Variants in SETDB2 observed in about 807,000 individuals in gnomAD.
SETDB2 encodes the protein SET domain bifurcated histone lysine methyltransferase 2.
SETDB2 carries 56 observed loss-of-function variants against 82.5 expected under a neutral mutation model. That is an observed-to-expected ratio of 0.68 (90% CI 0.55 to 0.85). The LOEUF (loss-of-function observed/expected upper bound fraction) is 0.85, where lower values mean the gene tolerates loss of function less well. SETDB2 is among the 40% of genes least tolerant of loss of function. SETDB2 has a pLI of 0.00. For synonymous variants in SETDB2, 272 were observed against 284.9 expected (o/e 0.95, Z 0.46); for missense variants, 677 against 816.4 (o/e 0.83, Z 2.08).
intron 12 of SETDB2, 57 bp downstream of exon 12, chr13:49,488,687 T>A: frequency 7.3e-7 from 1 of 1,372,072 alleles, no homozygotes; most frequent in Non-Finnish European, 9.9e-7. Context: ...CTATGCTACT[T>A]AACAAAATTA....
chr13:49,484,870 A>G (rs779618172), intron 10 of SETDB2, among the ~76,000 whole-genome samples: 1 of 152,194 alleles, frequency 6.6e-6, no homozygotes, highest in Non-Finnish European at 1.5e-5. Context: ...TTATGAAAAG[A>G]TTGGCCATGG....
chr13:49,488,522 G>A lies in SETDB2; in HGVS notation c.1809G>A (p.Leu603=), dbSNP rs1683771620. The part of the protein sequence containing the change: ...QRQQVFCDEE[L]LSETKNTSSD... Reference sequence around the variant, plus strand: ...AGCAGGTATTTTGTGATGAAGAGTTGCTAAGTGAAACCAAGAATACTTCAT... The same window carrying A: ...AGCAGGTATTTTGTGATGAAGAGTTACTAAGTGAAACCAAGAATACTTCAT... Residue 603 remains leucine, a synonymous_variant, in exon 12 of 14, where the codon TTG becomes TTA. Transcript: ENST00000611815. The A allele has an allele frequency of 6.2e-7, 1 of 1,614,042 alleles. No individual in the cohort carries two copies. The highest frequency in any genetic ancestry group is 1.1e-5 in the South Asian group (1 of 91,042).
chr13:49,490,143 C>T (rs1449782603), intron 12 of SETDB2, among the ~76,000 whole-genome samples: 1 of 151,112 alleles, frequency 6.6e-6, no homozygotes, highest in Non-Finnish European at 1.5e-5. Context: ...AGCCGTGTGT[C>T]ATGGCACATG....
At chr13:49,467,651 A>G (rs920688403) in intron 4 of SETDB2, among the ~76,000 whole-genome samples, 15 of 152,210 alleles carry the variant, frequency 9.9e-5, no homozygotes, top group African/African-American at 3.1e-4. Flanking sequence ...TACAGTAGAA[A>G]TCTTTTCTGT....
intron 4 of SETDB2, among the ~76,000 whole-genome samples, chr13:49,462,346 C>T (rs569598941): frequency 2.0e-4 from 30 of 152,298 alleles, no homozygotes; most frequent in African/African-American, 6.5e-4. Flanking sequence ...CAACAGTCAT[C>T]TCATTAGCAT....
At position 49,456,217 on chromosome 13, in the gene SETDB2, T is replaced by C. The variant is rs553630947; in HGVS notation, c.17-3890T>C. Reference sequence around the variant, plus strand: ...GACCAATACCCTATAAGCCCCTTACTACATATGTTTCTGTGTACTGAGGTC... The same window carrying C: ...GACCAATACCCTATAAGCCCCTTACCACATATGTTTCTGTGTACTGAGGTC... On this transcript the variant is annotated intron_variant, in intron 2 of 13. Transcript: ENST00000611815. Among the ~76,000 whole-genome samples, 3 of 152,282 alleles carry C rather than the reference T, an allele frequency of 2.0e-5. No individual in the cohort carries two copies. The South Asian group carries it at 6.2e-4, about 32-fold the overall frequency.
At position 49,476,664 on chromosome 13, in the gene SETDB2, A is replaced by T; in HGVS notation, c.494A>T (p.His165Leu). ...ATCAAATGTCACTTCCAAAGACGAC[A>T]TGCAAAGACAAACTCTCATTCTTCA... ...LPIKCHFQRR[H>L]AKTNSHSSAL... Residue 165 changes from histidine (H) to leucine (L), a missense_variant, in exon 6 of 14, where the codon CAT (histidine) becomes CTT (leucine). By Grantham distance (99) the His-to-Leu change is moderately conservative (BLOSUM62 -3). Transcript: ENST00000611815. The T allele has an allele frequency of 6.2e-7, 1 of 1,614,244 alleles. No homozygotes were observed. The highest frequency in any genetic ancestry group is 8.5e-7 in the Non-Finnish European group (1 of 1,180,050).
At chr13:49,466,730 C>T (rs1359599390) in intron 4 of SETDB2, among the ~76,000 whole-genome samples, 2 of 151,690 alleles carry the variant, frequency 1.3e-5, no homozygotes, top group South Asian at 2.1e-4. Context: ...CTACAGCCTA[C>T]GGTTCCTGGG....
chr13:49,449,954 A>G (rs1053532582), intron 1 of SETDB2, among the ~76,000 whole-genome samples: 3 of 152,000 alleles, frequency 2.0e-5, no homozygotes, highest in South Asian at 2.1e-4. Context: ...TCTTTTTTTC[A>G]TCTTTAGTAT....
rs1176621884 is a variant in SETDB2 at position 49,460,132 on chromosome 13, G to A, written c.42G>A (p.Glu14=). The change falls in exon 3 of 14, where the codon GAG becomes GAA. Residue 14 remains glutamate (E), a synonymous_variant. Transcript: ENST00000611815. ...KNGDAKTFWM[E]LEDDGKVDFI... ...GCGATGCAAAAACTTTCTGGATGGA[G>A]CTAGAAGATGATGGAAAAGTGGACT... 1 of 1,613,140 alleles carries A rather than the reference G, an allele frequency of 6.2e-7. No individual in the cohort carries two copies. Among genetic ancestry groups the A allele is most frequent in the East Asian group, 2.2e-5 (1 of 44,758 alleles).
In SETDB2 at chr13:49,482,916, G is replaced by C. The variant is rs762876933; in HGVS notation, c.1336G>C (p.Glu446Gln). 16 of 1,613,202 alleles carry C rather than the reference G, an allele frequency of 9.9e-6. No homozygotes were observed. Among genetic ancestry groups the C allele is most frequent in the Non-Finnish European group, 1.4e-5 (16 of 1,179,628 alleles). The change falls in exon 9 of 14, where the codon GAG becomes CAG. Residue 446 changes from glutamate (E) to glutamine (Q), a missense_variant. This residue lies in a region of SETDB2 where 420 missense variants were observed against 554.6 expected (regional missense o/e 0.76). Coordinates refer to ENST00000611815, the MANE Select transcript of SETDB2 (RefSeq NM_001160308.3). ...LETHPRTAKT[E>Q]KCPPKFSNNP... The stretch of plus-strand genomic sequence containing the variant: ...AACACATCCTAGAACTGCTAAAACT[G>C]AGAAATGTCCACCAAAGTTCAGTAA...
intron 1 of SETDB2, among the ~76,000 whole-genome samples, chr13:49,450,474 CT>C (rs1474573624): frequency 6.6e-6 from 1 of 152,120 alleles, no homozygotes; most frequent in Non-Finnish European, 1.5e-5. Context: ...AGATTTCCTT[CT>C]TTAGCTCAGT....
Position 49,482,200 on chromosome 13 carries a change from A to C in SETDB2, c.1157-537A>C, listed in dbSNP as rs969475081. 1.6e-5 allele frequency: 16 copies of C among 985,346 alleles called. No individual in the cohort carries two copies. In the African/African-American group the frequency reaches 2.6e-4, roughly 16 times the overall value. 61.0% of individuals were successfully genotyped at this position (985,346 alleles called of 1,614,324 possible). A position where few individuals can be genotyped will look rare whatever the true frequency, so the allele number is the denominator to read the frequency against. On this transcript the variant is annotated intron_variant, in intron 8 of 13. Coordinates refer to ENST00000611815, the MANE Select transcript of SETDB2 (RefSeq NM_001160308.3). ...TATGTCTCCGATCTAACAATGGGTA[A>C]GAATATCCTGCTATTAATTTGGACT...
intron 4 of SETDB2, chr13:49,464,072 A>G: frequency 1.3e-6 from 1 of 774,928 alleles, no homozygotes; most frequent in South Asian, 1.4e-5. Context: ...ATTTGAGAGC[A>G]CATTATACCA....
intron 8 of SETDB2, among the ~76,000 whole-genome samples, 165 bp from the exon 9 acceptor site, chr13:49,482,571 AT>A (rs1444715361): frequency 6.6e-6 from 1 of 152,178 alleles, no homozygotes; most frequent in Non-Finnish European, 1.5e-5. Context: ...GATAAGAAAT[AT>A]CACATTGGTC....
chr13:49,482,058 C>T (rs1238880427), intron 8 of SETDB2: 7 of 985,240 alleles, frequency 7.1e-6, no homozygotes, highest in Middle Eastern at 1.0e-3. Context: ...CCTGCCTAGA[C>T]GTTCATCTCT....
At chr13:49,477,171 C>G (rs921817044) in intron 6 of SETDB2, 132 bp downstream of exon 6, 9 of 822,960 alleles carry the variant, frequency 1.1e-5, no homozygotes, top group Non-Finnish European at 1.6e-5. Context: ...CGTGGTGGCC[C>G]ACGTGTGTAA....
In SETDB2 at chr13:49,482,745, C is replaced by G. The variant is rs770067239; in HGVS notation, c.1165C>G (p.Leu389Val). The G allele has an allele frequency of 1.2e-6, 2 of 1,604,480 alleles. No homozygotes were observed. The highest frequency in any genetic ancestry group is 1.3e-5 in the African/African-American group (1 of 74,432). ...TAACATTTTCCTTTTAGGAAGATTA[C>G]TAAGCAGAGCTAACACTGAAAAATC... ...TFVCIYSGRL[L>V]SRANTEKSYG... is the part of the protein sequence containing the mutation. Residue 389 changes from leucine to valine, a missense_variant, in exon 9 of 14, where the codon CTA (leucine) becomes GTA (valine). By Grantham distance (32) the Leu-to-Val change is conservative (BLOSUM62 1). Around this residue, in one of 3 missense-constraint regions of SETDB2, gnomAD observed 420 missense variants for 554.6 expected, o/e 0.76. Transcript: ENST00000611815.
In SETDB2 at chr13:49,476,483, G is replaced by A. The variant is rs200801016; in HGVS notation, c.313G>A (p.Glu105Lys). ...AATAATTTATTTTAACAGAACAACA[G>A]AAAATAAGGAAATTCTCTCTCTTGA... ...FPEDCTFLTT[E>K]NKEILSLEDK... Residue 105 changes from glutamate to lysine, a missense_variant, in exon 6 of 14, where the codon GAA becomes AAA. This residue lies in a region of SETDB2 where 243 missense variants were observed against 237.2 expected (regional missense o/e 1.02). Transcript: ENST00000611815. The A allele has an allele frequency of 1.3e-6, 2 of 1,560,840 alleles. No individual in the cohort carries two copies. The highest frequency in any genetic ancestry group is 4.5e-5 in the East Asian group (2 of 44,406).
Sources: gnomAD v4.1 joint callset for allele counts (sites outside exome capture counted in the v4.1 genomes callset) on GRCh38, gnomAD v4.1.1 for gene constraint, gnomAD v4.1.1 regional missense constraint, MANE v1.5 for transcripts, NCBI Gene and HGNC (gene_info 2026-07-23, HGNC 2026-07-21) for gene names.